PCSK6: variants seen among roughly 807,000 people sequenced by gnomAD.
PCSK6 encodes paired basic amino acid cleaving enzyme 4.
PCSK6 carries 85 observed loss-of-function variants against 123.3 expected under a neutral mutation model. The ratio of observed to expected loss-of-function variants is 0.69; its 90% confidence interval spans 0.58 to 0.83. The LOEUF is 0.83. Ranked by LOEUF, PCSK6 falls within the 40% of genes least tolerant of loss-of-function variation. The pLI is 0.00. For synonymous variants in PCSK6, 508 were observed against 516.0 expected (o/e 0.98, Z 0.21); for missense variants, 1,191 against 1,282.3 (o/e 0.93, Z 1.09).
At chr15:101,328,947 G>A (rs1428112637) in intron 15 of PCSK6, among the ~76,000 whole-genome samples, 1 of 152,248 alleles carries the variant, frequency 6.6e-6, no homozygotes, top group Non-Finnish European at 1.5e-5. Flanking sequence ...TTCTGGTCCA[G>A]CTGCAGCTCA....
chr15:101,482,390 G>A (rs892120848), intron 1 of PCSK6, among the ~76,000 whole-genome samples: 2 of 152,210 alleles, frequency 1.3e-5, no homozygotes, highest in Admixed American at 1.3e-4. Flanking sequence ...GGAGCCAGGA[G>A]GAGGCCAGCC....
At chr15:101,428,129 C>T (rs1166750992) in intron 5 of PCSK6, 149 bp from the exon 6 acceptor site, 6 of 671,120 alleles carry the variant, frequency 8.9e-6, no homozygotes, top group Non-Finnish European at 1.6e-5. Context: ...CTCTCATCAC[C>T]AACCCCACTC....
At chr15:101,324,525 T>C (rs1331111082) in intron 17 of PCSK6, among the ~76,000 whole-genome samples, 1 of 152,042 alleles carries the variant, frequency 6.6e-6, no homozygotes, top group African/African-American at 2.4e-5. Flanking sequence ...AGTTCAAGAG[T>C]GGCTGGCCCT....
At chr15:101,466,404 G>T (rs1172446081) in intron 1 of PCSK6, among the ~76,000 whole-genome samples, 1 of 152,160 alleles carries the variant, frequency 6.6e-6, no homozygotes, top group Non-Finnish European at 1.5e-5. Context: ...AGACATGGCT[G>T]GTGAGACCGT....
In PCSK6 at chr15:101,384,004, C is replaced by T. The variant is rs542458554; in HGVS notation, c.1414+318G>A. ...CCTGCCTCAACTTCCCTAGTAGCTG[C>T]GACTATAGGCACACGTCATTGCTCC... On this transcript the variant is annotated intron_variant, in intron 10 of 21. Transcript: ENST00000611716. 1.1e-5 allele frequency: 7 copies of T among 626,000 alleles called. No homozygotes were observed. The South Asian group carries it at 2.1e-4, about 19-fold the overall frequency. The allele number at this position is 626,000 out of a possible 1,614,324, so 38.8% of individuals were successfully genotyped here.
intron 20 of PCSK6, among the ~76,000 whole-genome samples, chr15:101,311,284 CA>C (rs1387542468): frequency 3.5e-4 from 46 of 130,378 alleles, no homozygotes; most frequent in African/African-American, 1.4e-3. Context: ...CTAATTTTTG[CA>C]TTTTTTTTTT....
At chr15:101,310,193 G>T (rs1156935072) in intron 20 of PCSK6, among the ~76,000 whole-genome samples, 2 of 152,228 alleles carry the variant, frequency 1.3e-5, no homozygotes, top group Admixed American at 6.5e-5. Context: ...GCTCTTCCTG[G>T]GGGGTGCTTC....
At chr15:101,368,648 CA>C (rs879323795) in intron 12 of PCSK6, among the ~76,000 whole-genome samples, 6 of 152,156 alleles carry the variant, frequency 3.9e-5, no homozygotes, top group Non-Finnish European at 8.8e-5. Flanking sequence ...GGCTCTGAGT[CA>C]GGGGTCACAA....
intron 6 of PCSK6, among the ~76,000 whole-genome samples, chr15:101,410,088 A>G (rs2042902650): frequency 6.6e-6 from 1 of 152,198 alleles, no homozygotes; most frequent in African/African-American, 2.4e-5. Flanking sequence ...ATAAGCCACC[A>G]TGCCTGGCTA....
At chr15:101,368,940 C>T (rs772518004) in intron 12 of PCSK6, among the ~76,000 whole-genome samples, 4 of 152,344 alleles carry the variant, frequency 2.6e-5, no homozygotes, top group Non-Finnish European at 4.4e-5. Context: ...TCCGCTGACA[C>T]CGAACTGCTC....
intron 2 of PCSK6, among the ~76,000 whole-genome samples, chr15:101,436,050 C>G (rs1009470845): frequency 6.6e-6 from 1 of 152,316 alleles, no homozygotes; most frequent in East Asian, 1.9e-4. Flanking sequence ...GAAACTTTCA[C>G]TCATGAGCCA....
intron 5 of PCSK6, among the ~76,000 whole-genome samples, 196 bp from the exon 6 acceptor site, chr15:101,428,176 T>A (rs2056323753): frequency 6.6e-6 from 1 of 152,206 alleles, no homozygotes; most frequent in South Asian, 2.1e-4. Context: ...GTACAGCCCT[T>A]CCTGGCATCC....
chr15:101,444,859 T>G (rs1029852145), intron 1 of PCSK6, among the ~76,000 whole-genome samples: 2 of 152,142 alleles, frequency 1.3e-5, no homozygotes, highest in Non-Finnish European at 2.9e-5. Context: ...CTGGAGGGAC[T>G]TGGATGCTGT....
chr15:101,367,127 C>T (rs1158004163), intron 12 of PCSK6, among the ~76,000 whole-genome samples: 2 of 152,284 alleles, frequency 1.3e-5, no homozygotes, highest in African/African-American at 2.4e-5. Flanking sequence ...CTTCCCAACT[C>T]GAAGGTCTTT....
At chr15:101,458,934 C>A (rs920156512) in intron 1 of PCSK6, among the ~76,000 whole-genome samples, 5 of 152,152 alleles carry the variant, frequency 3.3e-5, no homozygotes, top group Admixed American at 2.0e-4. Context: ...CCCGACATCC[C>A]GCAAGCATGC....
intron 11 of PCSK6, among the ~76,000 whole-genome samples, chr15:101,379,533 ACACT>A (rs1596259991): frequency 6.6e-6 from 1 of 152,208 alleles, no homozygotes; most frequent in Non-Finnish European, 1.5e-5. Context: ...AGGCATACAC[ACACT>A]CTGTCTTCCC....
At chr15:101,330,287 G>A (rs1353852607) in intron 15 of PCSK6, among the ~76,000 whole-genome samples, 1 of 152,140 alleles carries the variant, frequency 6.6e-6, no homozygotes, top group Non-Finnish European at 1.5e-5. Context: ...GTACTCCCTA[G>A]GCTTCCCTCG....
Position 101,313,393 on chromosome 15 carries a change from G to C in PCSK6, c.2682C>G (p.Pro894=). 1 of 1,612,766 alleles carries C rather than the reference G, an allele frequency of 6.2e-7. No individual in the cohort carries two copies. Among genetic ancestry groups the C allele is most frequent in the Non-Finnish European group, 8.5e-7 (1 of 1,179,866 alleles). Reference sequence around the variant, plus strand: ...GACCGTACCTTCGACACACTTTGTGGGGCAAGCCCGGCATCTCTTCTGGGT... The same window carrying C: ...GACCGTACCTTCGACACACTTTGTGCGGCAAGCCCGGCATCTCTTCTGGGT... ...GFYPEEMPGL[P]HKVCRRCDEN... Residue 894 remains proline, a synonymous_variant, in exon 20 of 22, where the codon CCC becomes CCG. Coordinates refer to ENST00000611716, the MANE Select transcript of PCSK6 (RefSeq NM_002570.5).
At chr15:101,454,764 G>A (rs1463131086) in intron 1 of PCSK6, among the ~76,000 whole-genome samples, 2 of 152,056 alleles carry the variant, frequency 1.3e-5, no homozygotes, top group Non-Finnish European at 2.9e-5. Context: ...GGCCAACAGC[G>A]TGAAACCCCG....
Sources: allele counts gnomAD v4.1 joint callset (sites outside exome capture counted in the v4.1 genomes callset), GRCh38; gene constraint gnomAD v4.1.1; transcripts MANE v1.5; gene names NCBI Gene and HGNC (gene_info 2026-07-23, HGNC 2026-07-21).